ROR1: variants seen among roughly 807,000 people sequenced by gnomAD.
ROR1 encodes the protein inactive tyrosine-protein kinase transmembrane receptor ROR1.
In ROR1, 19 loss-of-function variants were observed where a neutral mutation model predicts 78.8. The observed-to-expected ratio is 0.24, with a 90% CI of 0.17 to 0.35. ROR1 has a LOEUF of 0.35. Ranked by LOEUF, ROR1 falls within the 10% of genes least tolerant of loss-of-function variation. The probability of loss-of-function intolerance (pLI) is 1.00; values close to 1 mark genes in which losing one functional copy is unlikely to be tolerated. For missense variants in ROR1, 917 were observed against 1,177.8 expected, an observed-to-expected ratio of 0.78 and a Z score of 3.24; for synonymous variants, 386 against 433.6, an observed-to-expected ratio of 0.89 and a Z score of 1.36.
At chr1:64,069,871 C>T (rs546490591) in intron 4 of ROR1, among the ~76,000 whole-genome samples, 88 of 152,024 alleles carry the variant, frequency 5.8e-4, no homozygotes, top group Non-Finnish European at 7.5e-4. Context: ...CAATTTTAGC[C>T]GTTTTAAAGT....
chr1:63,830,950 T>C (rs1170437402), intron 1 of ROR1, among the ~76,000 whole-genome samples: 2 of 152,218 alleles, frequency 1.3e-5, no homozygotes, highest in East Asian at 1.9e-4. Flanking sequence ...CTGCAGGCCC[T>C]GCACCAAGTC....
Position 64,175,038 on chromosome 1 carries a change from T to G in ROR1, c.1387-2390T>G, listed in dbSNP as rs531991549. On this transcript the variant is annotated intron_variant, in intron 8 of 8. Transcript: ENST00000371079. ...TTTTTAAAAAAATAGTTATTTAATTTAAAAAAATAGTAATTTAATAAATTA... is the reference window on the plus strand; with the variant it reads ...TTTTTAAAAAAATAGTTATTTAATTGAAAAAAATAGTAATTTAATAAATTA... 4.0e-5 allele frequency among the ~76,000 whole-genome samples: 6 copies of G among 150,564 alleles called. No homozygotes were observed. The South Asian group carries it at 6.2e-4, about 16-fold the overall frequency.
rs950080779 is a variant in ROR1 at position 64,179,040 on chromosome 1, A to C, written c.*185A>C. 29 of 552,794 alleles carry C rather than the reference A, an allele frequency of 5.2e-5. No homozygotes were observed. Among genetic ancestry groups the C allele is most frequent in the African/African-American group, 4.0e-4 (21 of 52,274 alleles). 34.2% of individuals were successfully genotyped at this position (552,794 alleles called of 1,614,324 possible). On this transcript the variant is annotated 3_prime_UTR_variant, in exon 9 of 9. Transcript: ENST00000371079. ...ACTCGGCCAGAAAAAAAAAAAAAAA[A>C]AAAAAACAAGCAAACAAAAACATTG...
At chr1:64,032,340 CAAAAAAAAA>C (rs66602515) in intron 2 of ROR1, among the ~76,000 whole-genome samples, 1 of 76,344 alleles carries the variant, frequency 1.3e-5, no homozygotes, top group Non-Finnish European at 2.5e-5. Flanking sequence ...GACTCCGTCT[CAAAAAAAAA>C]AAAAAAAAAA....
chr1:64,035,052 G>A (rs1259128251), intron 2 of ROR1, among the ~76,000 whole-genome samples: 1 of 152,120 alleles, frequency 6.6e-6, no homozygotes, highest in Admixed American at 6.5e-5. Flanking sequence ...GAGTTCAGTG[G>A]CAATATTTTC....
At chr1:64,087,121 CA>C (rs1647161407) in intron 4 of ROR1, among the ~76,000 whole-genome samples, 1 of 152,164 alleles carries the variant, frequency 6.6e-6, no homozygotes, top group African/African-American at 2.4e-5. Flanking sequence ...TAATACCAGC[CA>C]TTGATTCATC....
chr1:63,981,605 G>A (rs1646210713), intron 1 of ROR1, among the ~76,000 whole-genome samples: 1 of 152,124 alleles, frequency 6.6e-6, no homozygotes, highest in Non-Finnish European at 1.5e-5. Flanking sequence ...GTGAGTCAAG[G>A]CTGCTTCATG....
intron 1 of ROR1, among the ~76,000 whole-genome samples, chr1:63,809,700 C>T (rs1010861953): frequency 3.9e-5 from 6 of 152,102 alleles, no homozygotes; most frequent in Non-Finnish European, 5.9e-5. Context: ...AAGAAAGTTG[C>T]TCATGAATAT....
At chr1:63,847,457 A>G (rs1306553959) in intron 1 of ROR1, among the ~76,000 whole-genome samples, 1 of 151,976 alleles carries the variant, frequency 6.6e-6, no homozygotes, top group African/African-American at 2.4e-5. Flanking sequence ...AGCCCCTTGG[A>G]CAAGGGCCAG....
At chr1:63,789,296 C>T (rs899913001) in intron 1 of ROR1, 3 of 537,548 alleles carry the variant, frequency 5.6e-6, no homozygotes, top group African/African-American at 1.9e-5. Flanking sequence ...GAAGCCTGAG[C>T]ATACTCATGG....
chr1:64,029,188 A>C (rs753442026), intron 2 of ROR1, among the ~76,000 whole-genome samples: 11 of 152,146 alleles, frequency 7.2e-5, no homozygotes, highest in Non-Finnish European at 1.3e-4. Context: ...CCTTCTGTGA[A>C]TAGTACCTGT....
chr1:64,143,167 A>T (rs1649376701), intron 7 of ROR1: 2 of 989,574 alleles, frequency 2.0e-6, no homozygotes, highest in East Asian at 2.2e-4. Flanking sequence ...GTATCTAGTA[A>T]GAAAATGGAA....
intron 4 of ROR1, among the ~76,000 whole-genome samples, chr1:64,056,157 G>A (rs1018882813): frequency 2.4e-4 from 36 of 151,956 alleles, no homozygotes; most frequent in Admixed American, 2.2e-3. Flanking sequence ...TGCATTGTGG[G>A]GTATGTGTTT....
At chr1:63,947,552 T>C (rs1265434545) in intron 1 of ROR1, among the ~76,000 whole-genome samples, 1 of 152,108 alleles carries the variant, frequency 6.6e-6, no homozygotes, top group Non-Finnish European at 1.5e-5. Flanking sequence ...TAACCTGTAA[T>C]GTATGTACCA....
chr1:64,156,248 G>A lies in ROR1; in HGVS notation c.1175-2733G>A, dbSNP rs540336825. Among the ~76,000 whole-genome samples, 29 of 152,344 alleles carry A rather than the reference G, an allele frequency of 1.9e-4. No homozygotes were observed. In the South Asian group the frequency reaches 5.2e-3, roughly 27 times the overall value. ...TGGCAAAGGGCCTACTGAAGGTCAC[G>A]TAGATAATGAAAAGGCATTATTCAG... On this transcript the variant is annotated intron_variant, in intron 7 of 8. Transcript: ENST00000371079.
chr1:63,951,710 C>A lies in ROR1; in HGVS notation c.92-57595C>A, dbSNP rs534612808. Among the ~76,000 whole-genome samples the A allele has an allele frequency of 5.3e-5, 8 of 152,064 alleles. No individual in the cohort carries two copies. In the East Asian group the frequency reaches 7.7e-4, roughly 15 times the overall value. On this transcript the variant is annotated intron_variant, in intron 1 of 8. Coordinates refer to ENST00000371079, the MANE Select transcript of ROR1 (RefSeq NM_005012.4). Reference sequence around the variant, plus strand: ...CATTTGTAATTTCTCTTAAAGACACCCCCCCCTCACCACCAGCCCACATGC... The same window carrying A: ...CATTTGTAATTTCTCTTAAAGACACACCCCCCTCACCACCAGCCCACATGC...
chr1:63,774,464 T>A lies in ROR1; in HGVS notation c.47T>A (p.Leu16Gln), dbSNP rs1174625161. Residue 16 changes from leucine (L) to glutamine (Q), a missense_variant, in exon 1 of 9, where the codon CTG (leucine) becomes CAG (glutamine). Physicochemically the swap from Leu to Gln is moderately radical, Grantham distance 113. Transcript: ENST00000371079. The surrounding 1 kb of genome is among the most constrained non-coding windows in gnomAD (Gnocchi z 5.7). ...RRGTRPPLLA[L>Q]LAALLLAARG... ...GGGACGCGCCCGCCGCTCCTGGCGCTGCTGGCCGCGCTGCTGCTGGCCGCA... is the reference window on the plus strand; with the variant it reads ...GGGACGCGCCCGCCGCTCCTGGCGCAGCTGGCCGCGCTGCTGCTGGCCGCA... 1 of 1,168,964 alleles carries A rather than the reference T, an allele frequency of 8.6e-7. No individual in the cohort carries two copies. The highest frequency in any genetic ancestry group is 1.0e-6 in the Non-Finnish European group (1 of 952,724). The allele number at this position is 1,168,964 out of a possible 1,614,324, so 72.4% of individuals were successfully genotyped here.
At chr1:63,797,149 A>G (rs1644766094) in intron 1 of ROR1, among the ~76,000 whole-genome samples, 1 of 152,208 alleles carries the variant, frequency 6.6e-6, no homozygotes, top group Non-Finnish European at 1.5e-5. Flanking sequence ...AATAATGATG[A>G]CAATAACTAA....
Position 64,114,769 on chromosome 1 carries a change from C to T in ROR1, c.483-22600C>T, listed in dbSNP as rs117995541. 7.0e-4 allele frequency among the ~76,000 whole-genome samples: 107 copies of T among 152,226 alleles called. 2 individuals are homozygous for T. The East Asian group carries it at 0.019, about 27-fold the overall frequency. On this transcript the variant is annotated intron_variant, in intron 4 of 8. Transcript: ENST00000371079. ...TAGGGCCATCCAAGTGCATTCCTAG[C>T]AGGGACCATGAATCAGCCTTATCTT...
Sources: allele counts gnomAD v4.1 joint callset (sites outside exome capture counted in the v4.1 genomes callset), GRCh38; gene constraint gnomAD v4.1.1; non-coding constraint Gnocchi (gnomAD v3.1); transcripts MANE v1.5; gene names NCBI Gene and HGNC (gene_info 2026-07-23, HGNC 2026-07-21).